TTLL4: variants seen among roughly 807,000 people sequenced by gnomAD.
TTLL4 encodes the protein tubulin tyrosine ligase like 4.
TTLL4 carries 85 observed loss-of-function variants against 122.7 expected under a neutral mutation model. The observed-to-expected ratio is 0.69, with a 90% CI of 0.58 to 0.83. The LOEUF is 0.83. TTLL4 is among the 40% of genes least tolerant of loss of function. The pLI is 0.00. For synonymous variants in TTLL4, 553 were observed against 563.0 expected, an observed-to-expected ratio of 0.98 and a Z score of 0.25; for missense variants, 1,363 against 1,488.6, an observed-to-expected ratio of 0.92 and a Z score of 1.39.
In TTLL4 at chr2:218,754,204, C is replaced by A; in HGVS notation, c.3415C>A (p.Gln1139Lys). Residue 1139 changes from glutamine to lysine, a missense_variant, in exon 20 of 20, where the codon CAA (glutamine) becomes AAA (lysine). Gln to Lys is a moderately conservative substitution (Grantham distance 53, BLOSUM62 1). This residue lies in a region of TTLL4 where 596 missense variants were observed against 655.8 expected (regional missense o/e 0.91). Coordinates refer to ENST00000392102, the MANE Select transcript of TTLL4 (RefSeq NM_014640.5). ...GACCACGCCCAAATCCAAGAAGACT[C>A]AAGCTGGCCTTTCCCCTTATCCCCA... is the stretch of plus-strand genomic sequence containing the variant. ...DGTTPKSKKTQAGLSPYPQKP... is the reference protein window; with the variant it reads ...DGTTPKSKKTKAGLSPYPQKP... The A allele has an allele frequency of 3.7e-6, 6 of 1,614,212 alleles. No individual in the cohort carries two copies. Among genetic ancestry groups the A allele is most frequent in the Non-Finnish European group, 5.1e-6 (6 of 1,180,042 alleles).
At chr2:218,727,604 C>T (rs1050329393) in intron 2 of TTLL4, among the ~76,000 whole-genome samples, 4 of 152,010 alleles carry the variant, frequency 2.6e-5, no homozygotes, top group Admixed American at 6.6e-5. Context: ...GGCATGGTGG[C>T]GGGCGCCTGT....
chr2:218,753,018 A>T (rs1943065320), intron 17 of TTLL4, 45 bp downstream of exon 17: 6 of 1,613,772 alleles, frequency 3.7e-6, no homozygotes, highest in Non-Finnish European at 5.1e-6. Flanking sequence ...TTAGTGAGAG[A>T]TTAAATCCCA....
intron 1 of TTLL4, among the ~76,000 whole-genome samples, chr2:218,721,638 G>A (rs1020405388): frequency 6.6e-6 from 1 of 152,130 alleles, no homozygotes; most frequent in Non-Finnish European, 1.5e-5. Context: ...GTAAGGGAGT[G>A]AAAAAAGTTT....
chr2:218,740,205 G>C (rs762621214), intron 4 of TTLL4, 38 bp downstream of exon 4: 5 of 1,594,722 alleles, frequency 3.1e-6, no homozygotes, highest in Non-Finnish European at 4.3e-6. Flanking sequence ...CTAGGAGTTG[G>C]TTATGACCTG....
At chr2:218,735,828 G>A (rs907419767) in intron 2 of TTLL4, among the ~76,000 whole-genome samples, 4 of 151,652 alleles carry the variant, frequency 2.6e-5, no homozygotes, top group African/African-American at 7.3e-5. Context: ...ACCCTCCTCC[G>A]TGCATGGCTA....
rs1575184277 is a variant in TTLL4, at chr2:218,751,643, T to G, written c.2874-61T>G. 84 of 1,584,468 alleles carry G rather than the reference T, an allele frequency of 5.3e-5. No homozygotes were observed. The East Asian group carries it at 1.9e-3, about 36-fold the overall frequency. On this transcript the variant is annotated intron_variant, in intron 15 of 19. Transcript: ENST00000392102. Reference sequence around the variant, plus strand: ...TCTGCTGGGCTGGACCTCCTCCATATTTCCTCCAAATAAGAAGCTGCTGAC... The same window carrying G: ...TCTGCTGGGCTGGACCTCCTCCATAGTTCCTCCAAATAAGAAGCTGCTGAC...
rs368316958 is a variant in TTLL4, at chr2:218,751,139, C to T, written c.2874-565C>T. 3.2e-4 allele frequency among the ~76,000 whole-genome samples: 49 copies of T among 152,246 alleles called. 1 individual carries two copies. In the East Asian group the frequency reaches 6.7e-3, roughly 21 times the overall value. On this transcript the variant is annotated intron_variant, in intron 15 of 19. Coordinates refer to ENST00000392102, the MANE Select transcript of TTLL4 (RefSeq NM_014640.5). The stretch of plus-strand genomic sequence containing the variant: ...GCCTGATAACAAAACTTACTTTCCC[C>T]GCTTTACCCTGTAGACTCATGTTTG...
In TTLL4 at chr2:218,745,748, C is replaced by T. The variant is rs1942825984; in HGVS notation, c.1844C>T (p.Thr615Ile). Residue 615 changes from threonine to isoleucine, a missense_variant, in exon 7 of 20, where the codon ACC becomes ATC. Thr to Ile is a moderately conservative substitution (Grantham distance 89). Coordinates refer to ENST00000392102, the MANE Select transcript of TTLL4 (RefSeq NM_014640.5). ...KLLRWKMSTV[T>I]PNIVKQTIGR... ...CTCCGATGGAAGATGAGCACAGTGACCCCCAACATTGTCAAGCAGACCATT... is the reference window on the plus strand; with the variant it reads ...CTCCGATGGAAGATGAGCACAGTGATCCCCAACATTGTCAAGCAGACCATT... 4 of 1,613,446 alleles carry T rather than the reference C, an allele frequency of 2.5e-6. No individual in the cohort carries two copies. Among genetic ancestry groups the T allele is most frequent in the South Asian group, 1.1e-5 (1 of 90,972 alleles).
intron 1 of TTLL4, among the ~76,000 whole-genome samples, chr2:218,717,481 G>A (rs117126033): frequency 6.6e-6 from 1 of 152,212 alleles, no homozygotes; most frequent in East Asian, 1.9e-4. Context: ...TCACTTTTCA[G>A]TAATTTATAG....
intron 5 of TTLL4, among the ~76,000 whole-genome samples, chr2:218,742,926 C>A (rs1409847105): frequency 6.6e-6 from 1 of 151,986 alleles, no homozygotes; most frequent in East Asian, 1.9e-4. Flanking sequence ...AGTTTGAGAC[C>A]AGCCTGGCCA....
chr2:218,749,881 G>A (rs1245976310), intron 14 of TTLL4, 128 bp from the exon 15 acceptor site: 1 of 1,246,330 alleles, frequency 8.0e-7, no homozygotes, highest in East Asian at 2.4e-5. Context: ...GATCCTGCAT[G>A]GGGATGTTTG....
At chr2:218,730,023 C>T (rs954727052) in intron 2 of TTLL4, among the ~76,000 whole-genome samples, 6 of 152,096 alleles carry the variant, frequency 3.9e-5, no homozygotes, top group African/African-American at 9.7e-5. Flanking sequence ...GGATTACAGG[C>T]GTGAGCCAAT....
At chr2:218,729,583 G>A (rs559219193) in intron 2 of TTLL4, among the ~76,000 whole-genome samples, 2 of 151,958 alleles carry the variant, frequency 1.3e-5, no homozygotes, top group African/African-American at 4.8e-5. Flanking sequence ...GAATGGAATT[G>A]TGTATTTCAT....
At chr2:218,746,314 G>A in intron 8 of TTLL4, 83 bp downstream of exon 8, 4 of 1,448,008 alleles carry the variant, frequency 2.8e-6, no homozygotes, top group Non-Finnish European at 3.9e-6. Flanking sequence ...GGGGGTAGGG[G>A]GCGGGAAGAG....
intron 2 of TTLL4, among the ~76,000 whole-genome samples, chr2:218,734,507 C>G (rs1382271363): frequency 6.6e-6 from 1 of 152,142 alleles, no homozygotes; most frequent in Non-Finnish European, 1.5e-5. Context: ...GCATCCTGTT[C>G]AAACTCAGGA....
At position 218,725,584 on chromosome 2, in the gene TTLL4, C is replaced by T. The variant is rs144488250; in HGVS notation, c.-177-1685C>T. Reference sequence around the variant, plus strand: ...TGCCTTTTTTTTTTGGAGACAAAGTCTTACGCTGTCGTCCATGCTGGGGTG... The same window carrying T: ...TGCCTTTTTTTTTTGGAGACAAAGTTTTACGCTGTCGTCCATGCTGGGGTG... On this transcript the variant is annotated intron_variant, in intron 1 of 19. Coordinates refer to ENST00000392102, the MANE Select transcript of TTLL4 (RefSeq NM_014640.5). Among the ~76,000 whole-genome samples, 74 of 151,928 alleles carry T rather than the reference C, an allele frequency of 4.9e-4. No homozygotes were observed. In the East Asian group the frequency reaches 0.013, roughly 26 times the overall value.
chr2:218,745,625 G>A, intron 6 of TTLL4, 66 bp from the exon 7 acceptor site: 3 of 1,101,892 alleles, frequency 2.7e-6, no homozygotes, highest in Admixed American at 4.2e-5. Flanking sequence ...CATCTTTTTT[G>A]TCTTCTCATC....
rs749103253 is a variant in TTLL4 at position 218,738,650 on chromosome 2, C to G, written c.974C>G (p.Ser325Cys). Residue 325 changes from serine (S) to cysteine (C), a missense_variant, in exon 3 of 20, where the codon TCT becomes TGT. Ser to Cys is a moderately radical substitution (Grantham distance 112). Coordinates refer to ENST00000392102, the MANE Select transcript of TTLL4 (RefSeq NM_014640.5). ...CTTTCCTGTGCTCTGGATGACAGCT[C>G]TGATTCCCAGGATCCAACTAAGGAG... ...EPLSCALDDS[S>C]DSQDPTKEIR... is the part of the protein sequence containing the mutation. The G allele has an allele frequency of 3.7e-6, 6 of 1,614,106 alleles. No homozygotes were observed. The highest frequency in any genetic ancestry group is 5.1e-6 in the Non-Finnish European group (6 of 1,180,042).
chr2:218,711,845 ATCT>A (rs1391533573), intron 1 of TTLL4, among the ~76,000 whole-genome samples: 2 of 96,538 alleles, frequency 2.1e-5, no homozygotes, highest in African/African-American at 6.0e-5. Context: ...CCTTGATGAA[ATCT>A]TCTTTGCTTT....
Sources: gnomAD v4.1 joint callset for allele counts (sites outside exome capture counted in the v4.1 genomes callset) on GRCh38, gnomAD v4.1.1 for gene constraint, gnomAD v4.1.1 regional missense constraint, MANE v1.5 for transcripts, NCBI Gene and HGNC (gene_info 2026-07-23, HGNC 2026-07-21) for gene names.